NCOA7: variants seen among roughly 807,000 people sequenced by gnomAD.
The protein encoded by NCOA7 is 140 kDa estrogen receptor-associated protein.
A neutral mutation model predicts 104.3 loss-of-function variants in NCOA7; 45 were observed. That is an observed-to-expected ratio of 0.43 (90% CI 0.34 to 0.55). The LOEUF is 0.55. Among genes scored for constraint, NCOA7 ranks in the 20% least tolerant of loss-of-function variants. The pLI is 0.02. For synonymous variants in NCOA7, 398 were observed against 402.3 expected, an observed-to-expected ratio of 0.99 and a Z score of 0.13; for missense variants, 1,041 against 1,119.7, an observed-to-expected ratio of 0.93 and a Z score of 1.00.
chr6:125,848,127 G>A (rs551646188), intron 2 of NCOA7, among the ~76,000 whole-genome samples: 8 of 152,212 alleles, frequency 5.3e-5, no homozygotes, highest in South Asian at 2.1e-4. Context: ...TTATAATGGC[G>A]ATCATTAAAA....
At chr6:125,844,282 C>T (rs962161539) in intron 2 of NCOA7, among the ~76,000 whole-genome samples, 3 of 152,150 alleles carry the variant, frequency 2.0e-5, no homozygotes, top group African/African-American at 7.2e-5. Flanking sequence ...AATCTCTTTT[C>T]CTAACTGTAT....
chr6:125,863,002 CAAAA>C (rs555432383), intron 3 of NCOA7, among the ~76,000 whole-genome samples: 1 of 137,928 alleles, frequency 7.3e-6, no homozygotes, highest in Non-Finnish European at 1.5e-5. Flanking sequence ...CTCAAAAAAA[CAAAA>C]AAACAAACAA....
intron 9 of NCOA7, 26 bp from the exon 10 acceptor site, chr6:125,890,616 G>A (rs955082207): frequency 7.6e-6 from 12 of 1,589,112 alleles, no homozygotes; most frequent in Admixed American, 1.8e-5. Flanking sequence ...CAATATTGAG[G>A]AACAGTTTTT....
At chr6:125,891,069 G>C (rs1784587505) in intron 10 of NCOA7, among the ~76,000 whole-genome samples, 1 of 152,144 alleles carries the variant, frequency 6.6e-6, no homozygotes, top group Non-Finnish European at 1.5e-5. Flanking sequence ...TTAAATGAAA[G>C]AAGAATTTGA....
At position 125,841,153 on chromosome 6, in the gene NCOA7, G is replaced by A. The variant is rs368666041; in HGVS notation, c.51-13867G>A. Among the ~76,000 whole-genome samples, 37 of 151,970 alleles carry A rather than the reference G, an allele frequency of 2.4e-4. 1 individual carries two copies. Among genetic ancestry groups the A allele is most frequent in the African/African-American group, 8.5e-4 (35 of 41,420 alleles). On this transcript the variant is annotated intron_variant, in intron 2 of 15. Transcript: ENST00000392477. Reference sequence around the variant, plus strand: ...AGATCCACTGCCTCGGCTTCCCAAAGTGCTGGGATTACAGGTGTGAGCCAC... The same window carrying A: ...AGATCCACTGCCTCGGCTTCCCAAAATGCTGGGATTACAGGTGTGAGCCAC...
intron 5 of NCOA7, among the ~76,000 whole-genome samples, chr6:125,880,519 A>C (rs1181121160): frequency 1.3e-5 from 2 of 149,428 alleles, no homozygotes; most frequent in African/African-American, 5.0e-5. Flanking sequence ...ATTTATTTAT[A>C]TTTTATTTTA....
chr6:125,788,833 C>A (rs374361809), upstream of NCOA7, among the ~76,000 whole-genome samples: 5 of 151,832 alleles, frequency 3.3e-5, no homozygotes, highest in African/African-American at 7.3e-5. Flanking sequence ...TGAGCCACTG[C>A]GCCTGGCCAG....
chr6:125,813,426 G>T (rs370487316), intron 1 of NCOA7, among the ~76,000 whole-genome samples: 2 of 150,544 alleles, frequency 1.3e-5, no homozygotes, highest in Non-Finnish European at 3.0e-5. Context: ...CTGCTTGCTC[G>T]TACCCTTTAC....
intron 10 of NCOA7, among the ~76,000 whole-genome samples, chr6:125,914,755 A>G (rs1378168096): frequency 1.3e-5 from 2 of 152,248 alleles, no homozygotes; most frequent in African/African-American, 4.8e-5. Context: ...TGGAAACTTC[A>G]TTCAGTAAAT....
chr6:125,929,241 T>G lies in NCOA7; in HGVS notation c.*470T>G, dbSNP rs1788308576. On this transcript the variant is annotated 3_prime_UTR_variant, in exon 16 of 16. Transcript: ENST00000392477. ...AGCACTTAAAGGGAATATATGAGGTTTTTTTTTTTTTAAAAAAAAACTTTT... is the reference window on the plus strand; with the variant it reads ...AGCACTTAAAGGGAATATATGAGGTGTTTTTTTTTTTAAAAAAAAACTTTT... The G allele has an allele frequency of 1.1e-5, 1 of 91,304 alleles. No individual in the cohort carries two copies. The highest frequency in any genetic ancestry group is 2.1e-5 in the Non-Finnish European group (1 of 46,544). The allele number at this position is 91,304 out of a possible 1,614,324, so 5.7% of individuals were successfully genotyped here.
At chr6:125,814,683 C>T (rs1047152105) in intron 1 of NCOA7, among the ~76,000 whole-genome samples, 8 of 151,944 alleles carry the variant, frequency 5.3e-5, no homozygotes, top group African/African-American at 1.5e-4. Flanking sequence ...TGCTGGCAAG[C>T]GTGGGTGAGG....
intron 11 of NCOA7, among the ~76,000 whole-genome samples, chr6:125,920,190 C>A (rs529664979): frequency 6.6e-6 from 1 of 152,230 alleles, no homozygotes; most frequent in Non-Finnish European, 1.5e-5. Context: ...TTTATCATCT[C>A]TGAACAGTAC....
chr6:125,867,192 G>A (rs1484119472), intron 3 of NCOA7, among the ~76,000 whole-genome samples: 1 of 152,082 alleles, frequency 6.6e-6, no homozygotes, highest in African/African-American at 2.4e-5. Flanking sequence ...TATGATATCT[G>A]GCCACCTTAG....
chr6:125,895,896 C>G (rs1036966510), intron 10 of NCOA7, among the ~76,000 whole-genome samples: 1 of 151,474 alleles, frequency 6.6e-6, no homozygotes, highest in East Asian at 1.9e-4. Context: ...GATTACATTT[C>G]GACATGAGAT....
chr6:125,842,884 A>G (rs1368021076), intron 2 of NCOA7, among the ~76,000 whole-genome samples: 1 of 152,218 alleles, frequency 6.6e-6, no homozygotes, highest in Non-Finnish European at 1.5e-5. Context: ...ATTGCTACTC[A>G]CTGCCAGTAG....
chr6:125,850,350 A>G (rs1461430248), intron 2 of NCOA7, among the ~76,000 whole-genome samples: 4 of 152,234 alleles, frequency 2.6e-5, no homozygotes, highest in African/African-American at 9.6e-5. Flanking sequence ...AGAATTTCTA[A>G]GGTATTAAAT....
At chr6:125,849,259 C>G (rs575910041) in intron 2 of NCOA7, among the ~76,000 whole-genome samples, 1 of 152,236 alleles carries the variant, frequency 6.6e-6, no homozygotes, top group South Asian at 2.1e-4. Context: ...GGCTGGAACA[C>G]TAGTAGGGAA....
chr6:125,931,026 G>A lies in NCOA7; in HGVS notation c.*2255G>A, dbSNP rs563865564. The A allele has an allele frequency of 6.5e-6, 1 of 152,728 alleles. No individual in the cohort carries two copies. Among genetic ancestry groups the A allele is most frequent in the East Asian group, 1.9e-4 (1 of 5,188 alleles). 9.5% of individuals were successfully genotyped at this position (152,728 alleles called of 1,614,324 possible). On this transcript the variant is annotated 3_prime_UTR_variant, in exon 16 of 16. Coordinates refer to ENST00000392477, the MANE Select transcript of NCOA7 (RefSeq NM_181782.5). ...AAAACAGTATTGTCCATTCAGAAAT[G>A]TGTGACCCTTCATTTATGGATATTG... is the stretch of plus-strand genomic sequence containing the variant.
intron 11 of NCOA7, chr6:125,919,271 GGC>G: frequency 6.2e-7 from 1 of 1,611,674 alleles, no homozygotes; most frequent in Non-Finnish European, 8.5e-7. Context: ...AGCTCAGCGT[GGC>G]TACAAGTAAC....
Sources: gnomAD v4.1 joint callset for allele counts (sites outside exome capture counted in the v4.1 genomes callset) on GRCh38, gnomAD v4.1.1 for gene constraint, MANE v1.5 for transcripts, NCBI Gene and HGNC (gene_info 2026-07-23, HGNC 2026-07-21) for gene names.